APOM: variants seen among roughly 807,000 people sequenced by gnomAD.
The protein encoded by APOM is apolipoprotein M, also known as NG20-like protein.
APOM carries 24 observed loss-of-function variants against 23.5 expected under a neutral mutation model. The observed-to-expected ratio is 1.02, with a 90% CI of 0.74 to 1.44. APOM has a LOEUF of 1.44. Ranked by LOEUF, APOM falls within the 40% of genes most tolerant of loss-of-function variation. The pLI, the probability that APOM is intolerant of heterozygous loss-of-function variation, is 0.00. For missense variants in APOM, 200 were observed against 233.2 expected, an observed-to-expected ratio of 0.86 and a Z score of 0.93; for synonymous variants, 82 against 84.1, an observed-to-expected ratio of 0.97 and a Z score of 0.14.
chr6:31,655,888 G>A, upstream of APOM: 1 of 970,778 alleles, frequency 1.0e-6, no homozygotes, highest in Non-Finnish European at 1.6e-6. Context: ...CAAGGGAGCT[G>A]AAAGCAGAGT....
intron 2 of APOM, 96 bp downstream of exon 2, chr6:31,656,722 T>G: frequency 2.1e-6 from 3 of 1,459,854 alleles, no homozygotes; most frequent in Non-Finnish European, 2.8e-6. Context: ...CTGGTATATC[T>G]ACTATGCTTG....
chr6:31,656,770 G>C, intron 2 of APOM, 144 bp downstream of exon 2: 5 of 1,056,894 alleles, frequency 4.7e-6, no homozygotes, highest in South Asian at 1.6e-5. Context: ...TTGCCCTCTG[G>C]AGAAAGATGT....
chr6:31,653,275 G>A (rs776102858), upstream of APOM, among the ~76,000 whole-genome samples: 1 of 152,202 alleles, frequency 6.6e-6, no homozygotes, highest in Non-Finnish European at 1.5e-5. Context: ...GAATTTAAAG[G>A]CCGGCCAGCG....
upstream of APOM, among the ~76,000 whole-genome samples, chr6:31,653,767 T>G (rs1799434358): frequency 6.6e-6 from 1 of 152,128 alleles, no homozygotes; most frequent in African/African-American, 2.4e-5. Flanking sequence ...CTGTAGCCTC[T>G]GCCTCCCGAG....
Position 31,655,976 on chromosome 6 carries a change from C to T in APOM, c.10C>T (p.Gln4Ter). The T allele has an allele frequency of 1.3e-6, 2 of 1,596,932 alleles. No homozygotes were observed. Among genetic ancestry groups the T allele is most frequent in the Non-Finnish European group, 1.7e-6 (2 of 1,171,566 alleles). ...TCCCTCCTGCCTGAAGATGTTCCAC[C>T]AAATTTGGGCAGCTCTGCTCTACTT... The part of the protein sequence containing the change: MFH[Q>*]IWAALLYFYG... Residue 4 changes from glutamine to a stop codon, truncating the protein, a stop_gained, in exon 1 of 6, where the codon CAA becomes TAA. Coordinates refer to ENST00000375916, the MANE Select transcript of APOM (RefSeq NM_019101.3). LOFTEE classifies it high-confidence loss of function.
chr6:31,656,147 T>C (rs1452998288), intron 1 of APOM, 67 bp downstream of exon 1: 1 of 1,272,256 alleles, frequency 7.9e-7, no homozygotes, highest in Non-Finnish European at 1.1e-6. Context: ...TGGCCTAGGA[T>C]GACTGGAGAC....
At chr6:31,655,737 C>T (rs1188592315), upstream of APOM, 1 of 503,538 alleles carries the variant, frequency 2.0e-6, no homozygotes. Flanking sequence ...CCTGAGAAAC[C>T]CTGGACATGC....
upstream of APOM, among the ~76,000 whole-genome samples, chr6:31,652,980 CT>C (rs1349192413): frequency 6.6e-5 from 10 of 152,148 alleles, no homozygotes; most frequent in Non-Finnish European, 1.3e-4. Context: ...GCCCTTTCTT[CT>C]GTGCCTCCGG....
rs781148051 is a variant in APOM at position 31,657,487 on chromosome 6, G to A, written c.442+9G>A. On this transcript the variant is annotated intron_variant, in intron 4 of 5. Coordinates refer to ENST00000375916, the MANE Select transcript of APOM (RefSeq NM_019101.3). ...GCGCTTTCTCCTCTACAGTGAGTAG[G>A]GATACAAGGCAGGAAGGGTTGGAGG... The A allele has an allele frequency of 1.2e-6, 2 of 1,612,270 alleles. No homozygotes were observed. The highest frequency in any genetic ancestry group is 1.7e-6 in the Non-Finnish European group (2 of 1,179,854).
upstream of APOM, chr6:31,655,593 T>A (rs1799954888): frequency 6.2e-6 from 1 of 161,856 alleles, no homozygotes; most frequent in Non-Finnish European, 1.3e-5. Context: ...TCAAAACAGT[T>A]TGCTAAGTGA....
chr6:31,652,499 T>C, upstream of APOM: 1 of 152,236 alleles, frequency 6.6e-6, no homozygotes, highest in Non-Finnish European at 1.5e-5. Context: ...TCCCCCCAGG[T>C]CCCCAAGCTT....
chr6:31,653,641 C>G (rs1799338614), upstream of APOM, among the ~76,000 whole-genome samples: 1 of 152,136 alleles, frequency 6.6e-6, no homozygotes, highest in Non-Finnish European at 1.5e-5. Context: ...GACTCCAGAT[C>G]GAGCACTTGT....
At chr6:31,652,566 G>A (rs1392901782), upstream of APOM, 2 of 152,336 alleles carry the variant, frequency 1.3e-5, no homozygotes, top group African/African-American at 4.8e-5. Flanking sequence ...GTTTCTGAGG[G>A]CGAGTCGGGC....
At chr6:31,657,775 G>A (rs998924385) in intron 5 of APOM, 52 bp downstream of exon 5, 1 of 1,488,400 alleles carries the variant, frequency 6.7e-7, no homozygotes, top group Non-Finnish European at 9.4e-7. Flanking sequence ...AAGTCTTCTG[G>A]TGTTACAGGG....
At chr6:31,656,127 C>A in intron 1 of APOM, 47 bp downstream of exon 1, 1 of 1,452,278 alleles carries the variant, frequency 6.9e-7, no homozygotes, top group South Asian at 1.2e-5. Flanking sequence ...CTCTGAGGGA[C>A]TTGGGTGGAT....
chr6:31,655,857 G>T, upstream of APOM: 1 of 689,298 alleles, frequency 1.5e-6, no homozygotes, highest in Non-Finnish European at 2.5e-6. Context: ...ATTAGCAGGT[G>T]AAAGGGTCAA....
Position 31,657,364 on chromosome 6 carries a change from C to T in APOM, c.344-16C>T. On this transcript the variant is annotated splice_polypyrimidine_tract_variant and intron_variant, in intron 3 of 5. Transcript: ENST00000375916. ...CTGCATCTCTGTTCTCATACTTCTC[C>T]CACCTGCCTTGACAGGCCGCCCTGA... The T allele has an allele frequency of 1.2e-6, 2 of 1,613,038 alleles. No individual in the cohort carries two copies. Among genetic ancestry groups the T allele is most frequent in the Non-Finnish European group, 1.7e-6 (2 of 1,180,006 alleles).
In APOM at chr6:31,656,036, C is replaced by T. The variant is rs748212498; in HGVS notation, c.70C>T (p.Pro24Ser). Reference sequence around the variant, plus strand: ...TATCCTTAACTCCATCTACCAGTGCCCTGAGCACAGTCAACTGACAACTCT... The same window carrying T: ...TATCCTTAACTCCATCTACCAGTGCTCTGAGCACAGTCAACTGACAACTCT... ...GIILNSIYQCPEHSQLTTLGV... is the reference protein window; with the variant it reads ...GIILNSIYQCSEHSQLTTLGV... Residue 24 changes from proline (P) to serine (S), a missense_variant, in exon 1 of 6, where the codon CCT becomes TCT. Pro to Ser is a moderately conservative substitution (Grantham distance 74, BLOSUM62 -1). Coordinates refer to ENST00000375916, the MANE Select transcript of APOM (RefSeq NM_019101.3). 1.9e-6 allele frequency: 3 copies of T among 1,589,776 alleles called. No homozygotes were observed. The highest frequency in any genetic ancestry group is 2.6e-6 in the Non-Finnish European group (3 of 1,167,680).
chr6:31,657,166 G>A, intron 2 of APOM, 59 bp from the exon 3 acceptor site: 1 of 1,492,720 alleles, frequency 6.7e-7, no homozygotes, highest in Non-Finnish European at 9.2e-7. Flanking sequence ...AAAAGAAGCT[G>A]GGACACTATG....
Sources: gnomAD v4.1 joint callset for allele counts (sites outside exome capture counted in the v4.1 genomes callset) on GRCh38, gnomAD v4.1.1 for gene constraint, MANE v1.5 for transcripts, NCBI Gene and HGNC (gene_info 2026-07-23, HGNC 2026-07-21) for gene names.